PISD: variants seen among roughly 807,000 people sequenced by gnomAD.
PISD encodes phosphatidylserine decarboxylase, also known as phosphatidylserine decarboxylase proenzyme, mitochondrial.
Under a neutral mutation model 43.5 loss-of-function variants are expected in PISD, and 31 were observed. The observed-to-expected ratio is 0.71, with a 90% CI of 0.54 to 0.96. The LOEUF (loss-of-function observed/expected upper bound fraction) is 0.96, where lower values mean the gene tolerates loss of function less well. PISD is among the 40% of genes least tolerant of loss of function. PISD has a pLI of 0.00. For missense variants in PISD, 523 were observed against 548.4 expected (o/e 0.95, Z 0.46); for synonymous variants, 259 against 228.7 (o/e 1.13, Z -1.20).
rs548858129 is a variant in PISD, at chr22:31,619,320, G to A, written c.*292C>T. Reference sequence around the variant, plus strand: ...TTCGGTCAGGAATGCAGGCTCTTCCGTCTATACAGTGTTTAAAAAGATCCA... The same window carrying A: ...TTCGGTCAGGAATGCAGGCTCTTCCATCTATACAGTGTTTAAAAAGATCCA... On this transcript the variant is annotated 3_prime_UTR_variant, in exon 8 of 8. Coordinates refer to ENST00000439502, the MANE Select transcript of PISD (RefSeq NM_001326411.2). 1.7e-3 allele frequency: 730 copies of A among 430,678 alleles called. 9 individuals carry two copies. The highest frequency in any genetic ancestry group is 0.011 in the Middle Eastern group (15 of 1,368). 26.7% of individuals were successfully genotyped at this position (430,678 alleles called of 1,614,324 possible). A position where few individuals can be genotyped will look rare whatever the true frequency, so the allele number is the denominator to read the frequency against.
chr22:31,662,243 TC>T, upstream of PISD: 1 of 1,594,060 alleles, frequency 6.3e-7, no homozygotes, highest in East Asian at 2.2e-5. Context: ...CACGCCCCCT[TC>T]ACACGCTGGG....
chr22:31,655,569 T>C (rs2074147488), intron 1 of PISD, among the ~76,000 whole-genome samples: 1 of 152,212 alleles, frequency 6.6e-6, no homozygotes, highest in South Asian at 2.1e-4. Context: ...TCCTCCCACC[T>C]CAGCCTCCCA....
In PISD at chr22:31,618,707, AT is replaced by A. The variant is rs2072269444; in HGVS notation, c.*904del. 6.6e-6 allele frequency: 2 copies of A among 303,636 alleles called. No homozygotes were observed. Among genetic ancestry groups the A allele is most frequent in the Non-Finnish European group, 6.0e-6 (1 of 166,848 alleles). The allele number at this position is 303,636 out of a possible 1,614,324, so 18.8% of individuals were successfully genotyped here. A position where few individuals can be genotyped will look rare whatever the true frequency, so the allele number is the denominator to read the frequency against. On this transcript the variant is annotated 3_prime_UTR_variant, in exon 8 of 8. Coordinates refer to ENST00000439502, the MANE Select transcript of PISD (RefSeq NM_001326411.2). ...GGGGCTCCCCAGGCCTGCGTTCCTG[AT>A]AAACTGGGACAGGTTTTCCAGGCAC...
chr22:31,628,009 G>T, intron 3 of PISD: 1 of 985,216 alleles, frequency 1.0e-6, no homozygotes, highest in South Asian at 4.7e-5. Context: ...GCACCTGCCA[G>T]TGAGCCCAGT....
Position 31,620,610 on chromosome 22 carries a change from G to A in PISD, c.948C>T (p.Phe316=). The A allele has an allele frequency of 6.2e-7, 1 of 1,614,214 alleles. No homozygotes were observed. The highest frequency in any genetic ancestry group is 1.1e-5 in the South Asian group (1 of 91,088). The change falls in exon 7 of 8, where the codon TTC becomes TTT. Residue 316 remains phenylalanine, a synonymous_variant. Coordinates refer to ENST00000439502, the MANE Select transcript of PISD (RefSeq NM_001326411.2). ...VLTGDWKHGF[F]SLTAVGATNV... is the part of the protein sequence containing the mutation. ...TGGTGGCCCCCACAGCTGTCAGTGA[G>A]AAGAAGCCATGTTTCCAGTCCCCCG...
At position 31,628,772 on chromosome 22, in the gene PISD, A is replaced by G. The variant is rs932295780; in HGVS notation, c.322-6887T>C. 7 of 954,284 alleles carry G rather than the reference A, an allele frequency of 7.3e-6. No homozygotes were observed. In the South Asian group the frequency reaches 1.9e-4, roughly 26 times the overall value. The allele number at this position is 954,284 out of a possible 1,614,324, so 59.1% of individuals were successfully genotyped here. ...TGAGGCTCAGAGCACAGCTGCAACC[A>G]TGGCCCAGAACAACTGCTCAGAAAC... On this transcript the variant is annotated intron_variant, in intron 3 of 7. Transcript: ENST00000439502.
At chr22:31,625,975 T>A in intron 3 of PISD, 2 of 1,469,794 alleles carry the variant, frequency 1.4e-6, no homozygotes, top group Non-Finnish European at 1.8e-6. Context: ...TGGGTTTGGT[T>A]CAGTCTCGGT....
rs1420093082 is a variant in PISD at position 31,619,445 on chromosome 22, G to C, written c.*167C>G. 5 of 695,052 alleles carry C rather than the reference G, an allele frequency of 7.2e-6. No individual in the cohort carries two copies. The highest frequency in any genetic ancestry group is 1.3e-5 in the Non-Finnish European group (5 of 380,084). The allele number at this position is 695,052 out of a possible 1,614,324, so 43.1% of individuals were successfully genotyped here. ...TGGGGGCTCTCGCCACCTCTTGTCT[G>C]CACCTCTGGAACAGGTGGTAGCCGA... On this transcript the variant is annotated 3_prime_UTR_variant, in exon 8 of 8. Coordinates refer to ENST00000439502, the MANE Select transcript of PISD (RefSeq NM_001326411.2).
chr22:31,643,917 G>A (rs181630076), intron 3 of PISD, among the ~76,000 whole-genome samples: 52 of 152,094 alleles, frequency 3.4e-4, no homozygotes, highest in Non-Finnish European at 5.9e-4. Flanking sequence ...GCCTGGTGGC[G>A]GGCACTTGTA....
Position 31,630,768 on chromosome 22 carries a change from C to A in PISD, c.322-8883G>T. 1.0e-6 allele frequency: 1 copy of A among 985,594 alleles called. No homozygotes were observed. The highest frequency in any genetic ancestry group is 1.2e-6 in the Non-Finnish European group (1 of 830,072). The allele number at this position is 985,594 out of a possible 1,614,324, so 61.1% of individuals were successfully genotyped here. ...CCTCCCTGAGAAGTCACCTGGGGCT[C>A]CCGGCAGGGCCGGGGCGCCGGCTCC... is the stretch of plus-strand genomic sequence containing the variant. On this transcript the variant is annotated intron_variant, in intron 3 of 7. Transcript: ENST00000439502. The surrounding 1 kb of genome is among the most constrained non-coding windows in gnomAD (Gnocchi z 4.4).
chr22:31,620,363 G>A (rs149448432), intron 7 of PISD, among the ~76,000 whole-genome samples, 190 bp downstream of exon 7: 2,223 of 152,366 alleles, frequency 0.015, 27 homozygotes, highest in Middle Eastern at 0.034. Flanking sequence ...AGTGCAAGGA[G>A]GGAGGGAAGC....
At chr22:31,654,801 C>T (rs1026455688) in intron 1 of PISD, among the ~76,000 whole-genome samples, 14 of 152,166 alleles carry the variant, frequency 9.2e-5, no homozygotes, top group East Asian at 3.9e-4. Context: ...GAAGGCCAGG[C>T]GTGGTGGCTC....
chr22:31,650,202 G>T (rs1307038272), intron 2 of PISD, among the ~76,000 whole-genome samples: 2 of 152,172 alleles, frequency 1.3e-5, no homozygotes, highest in East Asian at 3.8e-4. Flanking sequence ...ATGAGGCCGG[G>T]CACGGTGGCT....
chr22:31,653,438 T>C (rs952284806), intron 1 of PISD, among the ~76,000 whole-genome samples: 1 of 152,158 alleles, frequency 6.6e-6, no homozygotes, highest in Non-Finnish European at 1.5e-5. Context: ...CAAGGCTTTG[T>C]CTGACAGGAG....
At chr22:31,656,706 C>T (rs1915238111) in intron 1 of PISD, among the ~76,000 whole-genome samples, 1 of 150,982 alleles carries the variant, frequency 6.6e-6, no homozygotes, top group African/African-American at 2.4e-5. Flanking sequence ...GACAAGATCC[C>T]ACATCTTGTC....
chr22:31,644,288 G>A (rs901079701), intron 3 of PISD, among the ~76,000 whole-genome samples: 1 of 147,892 alleles, frequency 6.8e-6, no homozygotes, highest in African/African-American at 2.5e-5. Flanking sequence ...CACCCAGGCT[G>A]GAGTGCAGTG....
chr22:31,620,405 T>G (rs1251416305), intron 7 of PISD, 148 bp downstream of exon 7: 1 of 741,746 alleles, frequency 1.3e-6, no homozygotes, highest in Admixed American at 2.9e-5. Flanking sequence ...GCGGCCATTC[T>G]CAGGACAGCT....
intron 3 of PISD, chr22:31,632,193 C>G: frequency 1.0e-6 from 1 of 982,298 alleles, no homozygotes. Context: ...CTGGATCCAG[C>G]CCAAGCAAGT....
chr22:31,645,355 T>C (rs1399275991), intron 3 of PISD, among the ~76,000 whole-genome samples: 1 of 150,578 alleles, frequency 6.6e-6, no homozygotes, highest in African/African-American at 2.4e-5. Flanking sequence ...CAGTGAGCCG[T>C]GATCATGCCA....
Sources: allele counts gnomAD v4.1 joint callset (sites outside exome capture counted in the v4.1 genomes callset), GRCh38; gene constraint gnomAD v4.1.1; non-coding constraint Gnocchi (gnomAD v3.1); transcripts MANE v1.5; gene names NCBI Gene and HGNC (gene_info 2026-07-23, HGNC 2026-07-21).